FAM13B: variants seen among roughly 807,000 people sequenced by gnomAD.
FAM13B encodes the protein family with sequence similarity 13 member B, also known as protein FAM13B.
FAM13B carries 60 observed loss-of-function variants against 117.3 expected under a neutral mutation model. That is an observed-to-expected ratio of 0.51 (90% CI 0.42 to 0.63). The LOEUF (loss-of-function observed/expected upper bound fraction) is 0.63, where lower values mean the gene tolerates loss of function less well. Among genes scored for constraint, FAM13B ranks in the 30% least tolerant of loss-of-function variants. The pLI is 0.00. For missense variants in FAM13B, 972 were observed against 1,091.9 expected, an observed-to-expected ratio of 0.89 and a Z score of 1.55; for synonymous variants, 332 against 356.1, an observed-to-expected ratio of 0.93 and a Z score of 0.76.
chr5:138,033,215 G>T, upstream of FAM13B: 1 of 266,318 alleles, frequency 3.8e-6, no homozygotes, highest in Non-Finnish European at 5.8e-6. Flanking sequence ...CTTGAGGACC[G>T]CGGTTCCTCT....
intron 14 of FAM13B, among the ~76,000 whole-genome samples, chr5:137,955,695 G>C (rs1309428888): frequency 6.6e-6 from 1 of 152,018 alleles, no homozygotes. Flanking sequence ...GCAGTGGCAC[G>C]ATCTTGACTC....
intron 14 of FAM13B, among the ~76,000 whole-genome samples, chr5:137,954,940 T>A (rs144180553): frequency 4.1e-4 from 63 of 152,276 alleles, no homozygotes; most frequent in Non-Finnish European, 6.9e-4. Flanking sequence ...TATTTCCATA[T>A]AAATTTAAAT....
chr5:138,026,628 CAAAAAAAAA>C (rs56195021), intron 1 of FAM13B, among the ~76,000 whole-genome samples: 2 of 29,438 alleles, frequency 6.8e-5, no homozygotes, highest in Admixed American at 5.3e-4. Context: ...GACCGTGTCT[CAAAAAAAAA>C]AAAAAAAAAA....
At position 137,938,706 on chromosome 5, in the gene FAM13B, G is replaced by A. The variant is rs763069047; in HGVS notation, c.*1519C>T. The A allele has an allele frequency of 1.3e-5, 2 of 151,722 alleles. No individual in the cohort carries two copies. Among genetic ancestry groups the A allele is most frequent in the Non-Finnish European group, 2.9e-5 (2 of 67,964 alleles). The allele number at this position is 151,722 out of a possible 1,614,324, so 9.4% of individuals were successfully genotyped here. On this transcript the variant is annotated 3_prime_UTR_variant, in exon 24 of 24. Coordinates refer to ENST00000689681, the MANE Select transcript of FAM13B (RefSeq NM_001385994.1). Reference sequence around the variant, plus strand: ...GGGTGAAATGTGAAGTACTAGAACTGCTATTTATTATCAAACTACTTCATG... The same window carrying A: ...GGGTGAAATGTGAAGTACTAGAACTACTATTTATTATCAAACTACTTCATG...
chr5:138,042,029 CCAGCCTGCACAA>C lies in FAM13B; in HGVS notation c.-203+9837_-203+9848del, dbSNP rs1424882392. On this transcript the variant is annotated intron_variant, in intron 1 of 3. Coordinates refer to the FAM13B transcript ENST00000502471. The stretch of plus-strand genomic sequence containing the variant: ...TGAACTATGACTGCACCACTGCACT[CCAGCCTGCACAA>C]CAGGGGAAGACCCTGAAGTTCATAG... Among the ~76,000 whole-genome samples, 5 of 152,266 alleles carry C rather than the reference CCAGCCTGCACAA, an allele frequency of 3.3e-5. No homozygotes were observed. In the East Asian group the frequency reaches 9.6e-4, roughly 29 times the overall value.
At position 137,959,670 on chromosome 5, in the gene FAM13B, C is replaced by T. The variant is rs746256551; in HGVS notation, c.1387G>A (p.Val463Ile). ...TTCAGATCTAAATGTGGAATACTGACACACGCTGCTTCCCCTTGAACACCA... is the reference window on the plus strand; with the variant it reads ...TTCAGATCTAAATGTGGAATACTGATACACGCTGCTTCCCCTTGAACACCA... ...SVGVQGEAAC[V>I]SIPHLDLKNV... is the part of the protein sequence containing the mutation. The change falls in exon 13 of 24, where the codon GTC becomes ATC. Residue 463 changes from valine to isoleucine, a missense_variant. By Grantham distance (29) the Val-to-Ile change is conservative (BLOSUM62 3). Coordinates refer to ENST00000689681, the MANE Select transcript of FAM13B (RefSeq NM_001385994.1). The T allele has an allele frequency of 1.9e-6, 3 of 1,614,032 alleles. No homozygotes were observed. The highest frequency in any genetic ancestry group is 1.1e-5 in the South Asian group (1 of 91,062).
At chr5:137,996,071 C>T (rs1274763425) in intron 7 of FAM13B, among the ~76,000 whole-genome samples, 1 of 152,152 alleles carries the variant, frequency 6.6e-6, no homozygotes, top group African/African-American at 2.4e-5. Context: ...TCCGCATACC[C>T]CTCTAGTCAA....
At chr5:137,968,082 C>T (rs183408342) in intron 10 of FAM13B, among the ~76,000 whole-genome samples, 16 of 151,464 alleles carry the variant, frequency 1.1e-4, no homozygotes, top group African/African-American at 1.9e-4. Context: ...ATTAGCCAGG[C>T]GTAGTGGCGT....
intron 1 of FAM13B, among the ~76,000 whole-genome samples, chr5:138,043,337 T>A (rs960548397): frequency 6.6e-6 from 1 of 151,992 alleles, no homozygotes; most frequent in African/African-American, 2.4e-5. Flanking sequence ...CACTCCACCC[T>A]GGATGACAGA....
Position 138,032,843 on chromosome 5 carries a change from G to A in FAM13B, c.-264C>T. On this transcript the variant is annotated 5_prime_UTR_variant, in exon 1 of 24. Transcript: ENST00000689681. The stretch of plus-strand genomic sequence containing the variant: ...CGCTTCTCCAGGACCCGCGGCGACG[G>A]CAAGAGGGCGAGAACTGAGGCCCCA... 1.0e-6 allele frequency: 1 copy of A among 985,790 alleles called. No individual in the cohort carries two copies. Among genetic ancestry groups the A allele is most frequent in the Non-Finnish European group, 1.2e-6 (1 of 829,976 alleles). 61.1% of individuals were successfully genotyped at this position (985,790 alleles called of 1,614,324 possible).
chr5:138,021,320 GA>G (rs1291573880), intron 1 of FAM13B, 123 bp from the exon 2 acceptor site: 1 of 789,762 alleles, frequency 1.3e-6, no homozygotes, highest in African/African-American at 1.8e-5. Flanking sequence ...TCTTCTGTCT[GA>G]AAAATCTATC....
chr5:137,946,779 T>C lies in FAM13B; in HGVS notation c.2161-468A>G, dbSNP rs573078307. ...TGTTGGCATTTTATTGGCATTAAGA[T>C]GAGTGGGCATGCATGCGCATGTGCA... On this transcript the variant is annotated intron_variant, in intron 18 of 23. Coordinates refer to ENST00000689681, the MANE Select transcript of FAM13B (RefSeq NM_001385994.1). Among the ~76,000 whole-genome samples, 10 of 152,326 alleles carry C rather than the reference T, an allele frequency of 6.6e-5. No individual in the cohort carries two copies. In the East Asian group the frequency reaches 1.7e-3, roughly 26 times the overall value.
intron 14 of FAM13B, among the ~76,000 whole-genome samples, chr5:137,955,005 A>G (rs1020055289): frequency 6.6e-6 from 1 of 152,226 alleles, no homozygotes; most frequent in Non-Finnish European, 1.5e-5. Flanking sequence ...TTAAAACTCA[A>G]TTTAATTCTA....
At chr5:137,942,722 A>G (rs1355787206) in intron 22 of FAM13B, 153 bp downstream of exon 22, 1 of 613,676 alleles carries the variant, frequency 1.6e-6, no homozygotes, top group African/African-American at 1.9e-5. Flanking sequence ...GAATGACAAT[A>G]AATATTTGCA....
chr5:138,004,137 T>C (rs1457573617), intron 7 of FAM13B, among the ~76,000 whole-genome samples: 1 of 151,758 alleles, frequency 6.6e-6, no homozygotes, highest in Non-Finnish European at 1.5e-5. Flanking sequence ...GCCACGGTGG[T>C]GCGGGCCTGT....
chr5:138,050,564 C>G (rs116224271), intron 1 of FAM13B, among the ~76,000 whole-genome samples: 1,695 of 152,306 alleles, frequency 0.011, 26 homozygotes, highest in African/African-American at 0.039. Flanking sequence ...CTCGGAGATA[C>G]TACAACTCAG....
intron 1 of FAM13B, among the ~76,000 whole-genome samples, chr5:138,028,380 A>G (rs1350382866): frequency 6.6e-6 from 1 of 152,210 alleles, no homozygotes; most frequent in Non-Finnish European, 1.5e-5. Flanking sequence ...AAACTACAAT[A>G]CACTTCATTT....
At chr5:138,022,601 A>C (rs960104538) in intron 1 of FAM13B, among the ~76,000 whole-genome samples, 1 of 152,220 alleles carries the variant, frequency 6.6e-6, no homozygotes, top group African/African-American at 2.4e-5. Flanking sequence ...TAGTTAATCT[A>C]CCTATCTATC....
At chr5:137,964,492 G>A (rs566650554) in intron 10 of FAM13B, among the ~76,000 whole-genome samples, 5 of 145,668 alleles carry the variant, frequency 3.4e-5, no homozygotes, top group Middle Eastern at 7.0e-3. Context: ...AGGCTGAGGC[G>A]AGCAAATCAC....
Sources: allele counts gnomAD v4.1 joint callset (sites outside exome capture counted in the v4.1 genomes callset), GRCh38; gene constraint gnomAD v4.1.1; transcripts MANE v1.5; gene names NCBI Gene and HGNC (gene_info 2026-07-23, HGNC 2026-07-21).